Variants in ZNF248 observed in about 807,000 individuals in gnomAD.
ZNF248 encodes zinc finger protein 248, also known as KRAB protein domain.
In ZNF248, 20 loss-of-function variants were observed where a neutral mutation model predicts 44.3. That is an observed-to-expected ratio of 0.45 (90% CI 0.32 to 0.66). The LOEUF is 0.66. Ranked by LOEUF, ZNF248 falls within the 30% of genes least tolerant of loss-of-function variation. The probability of loss-of-function intolerance (pLI) is 0.04; values close to 1 mark genes in which losing one functional copy is unlikely to be tolerated. For missense variants in ZNF248, 654 were observed against 677.0 expected (o/e 0.97, Z 0.38); for synonymous variants, 224 against 229.0 (o/e 0.98, Z 0.20).
chr10:37,820,880 G>C, intron 6 of ZNF248: 1 of 1,312,786 alleles, frequency 7.6e-7, no homozygotes, highest in Non-Finnish European at 1.1e-6. Flanking sequence ...CATATTTATT[G>C]TTTTTTCCTC....
At chr10:37,767,178 G>A in the ZNF248 span, among the ~76,000 whole-genome samples, 1 of 152,144 alleles carries the variant, frequency 6.6e-6, no homozygotes, top group Non-Finnish European at 1.5e-5. Context: ...GGGGAGAAAG[G>A]AACCAAGTTG....
chr10:37,772,221 T>G (rs550045924), downstream of ZNF248, among the ~76,000 whole-genome samples: 1 of 150,698 alleles, frequency 6.6e-6, no homozygotes, highest in East Asian at 2.0e-4. Flanking sequence ...GCCAAGTTCA[T>G]GCCACTGCAC....
intron 6 of ZNF248, among the ~76,000 whole-genome samples, chr10:37,810,521 G>T (rs1241339560): frequency 6.6e-6 from 1 of 151,974 alleles, no homozygotes; most frequent in Non-Finnish European, 1.5e-5. Context: ...AACTGCATGG[G>T]TCTGTTATAT....
intron 3 of ZNF248, 70 bp downstream of exon 3, chr10:37,856,226 A>T: frequency 6.6e-7 from 1 of 1,516,972 alleles, no homozygotes. Context: ...CCATTTTCAA[A>T]ACATAAACCC....
rs769075670 is a variant in ZNF248, at chr10:37,831,908, G to T, written c.1447C>A (p.Gln483Lys). The T allele has an allele frequency of 2.5e-6, 4 of 1,614,008 alleles. No individual in the cohort carries two copies. In the East Asian group the frequency reaches 8.9e-5, roughly 36 times the overall value. ...GGTTTCTCCCCTGTGTGTGTTCTCT[G>T]ATGCACAGTGAGGGCTGATCTGTGG... Reference protein sequence around the residue: ...FCHRSALTVHQRTHTGEKPFI... With the variant: ...FCHRSALTVHKRTHTGEKPFI... The change falls in exon 6 of 6, where the codon CAG becomes AAG. Residue 483 changes from glutamine to lysine, a missense_variant. By Grantham distance (53) the Gln-to-Lys change is moderately conservative. Coordinates refer to ENST00000395867, the MANE Select transcript of ZNF248 (RefSeq NM_021045.3).
downstream of ZNF248, among the ~76,000 whole-genome samples, chr10:37,776,019 A>C (rs2046557546): frequency 6.6e-6 from 1 of 152,180 alleles, no homozygotes; most frequent in South Asian, 2.1e-4. Context: ...TGATGCAGAC[A>C]CAGACACCCC....
intron 6 of ZNF248, chr10:37,820,648 T>C (rs2053314538): frequency 1.3e-6 from 2 of 1,501,004 alleles, no homozygotes; most frequent in Admixed American, 1.7e-5. Flanking sequence ...GTGGTTCGGC[T>C]TTTCTTTTCC....
At chr10:37,851,727 T>C (rs1335083312) in intron 3 of ZNF248, among the ~76,000 whole-genome samples, 3 of 17,096 alleles carry the variant, frequency 1.8e-4, no homozygotes, top group Non-Finnish European at 2.3e-4. Context: ...TTCATGCAAA[T>C]AAATAACAAA....
At chr10:37,823,325 TC>T (rs1371742585) in intron 6 of ZNF248, among the ~76,000 whole-genome samples, 22 of 85,266 alleles carry the variant, frequency 2.6e-4, no homozygotes, top group African/African-American at 1.1e-3. Flanking sequence ...AGAGCGAGAC[TC>T]CGTCTCCAAA....
chr10:37,801,283 C>T (rs752438423), intron 6 of ZNF248, among the ~76,000 whole-genome samples: 4 of 151,556 alleles, frequency 2.6e-5, no homozygotes, highest in Non-Finnish European at 5.9e-5. Flanking sequence ...GGCTGAGGCA[C>T]GAGAATCCCT....
intron 5 of ZNF248, among the ~76,000 whole-genome samples, chr10:37,836,387 C>T (rs779458588): frequency 1.3e-5 from 2 of 152,104 alleles, no homozygotes; most frequent in Non-Finnish European, 2.9e-5. Context: ...TCTACCATAG[C>T]TCATGTTTCT....
At chr10:37,787,683 A>G (rs925903657) in intron 6 of ZNF248, among the ~76,000 whole-genome samples, 1 of 152,102 alleles carries the variant, frequency 6.6e-6, no homozygotes, top group African/African-American at 2.4e-5. Flanking sequence ...TTTACCTCAC[A>G]CAATATATGA....
intron 6 of ZNF248, chr10:37,820,182 T>G (rs1373305700): frequency 8.1e-6 from 10 of 1,229,818 alleles, no homozygotes; most frequent in African/African-American, 1.5e-5. Flanking sequence ...CTTACTGTTT[T>G]CTAGTGCAGA....
chr10:37,786,984 TA>T (rs1465982775), intron 6 of ZNF248, among the ~76,000 whole-genome samples: 1 of 152,188 alleles, frequency 6.6e-6, no homozygotes, highest in Non-Finnish European at 1.5e-5. Flanking sequence ...TACTTGATTT[TA>T]AAGTATACTA....
At chr10:37,854,661 C>G (rs1255991296) in intron 3 of ZNF248, among the ~76,000 whole-genome samples, 5 of 152,154 alleles carry the variant, frequency 3.3e-5, no homozygotes, top group African/African-American at 1.2e-4. Context: ...ACAGGCATTC[C>G]CACTAAGCTG....
intron 3 of ZNF248, 124 bp downstream of exon 3, chr10:37,856,172 A>G: frequency 3.7e-6 from 4 of 1,092,434 alleles, no homozygotes; most frequent in South Asian, 1.7e-5. Context: ...TTGCTACTTC[A>G]GTTTTATTTC....
At chr10:37,818,662 G>A in intron 6 of ZNF248, 1 of 522,176 alleles carries the variant, frequency 1.9e-6, no homozygotes, top group Non-Finnish European at 3.6e-6. Context: ...GCCCCAGCAG[G>A]GCTACTCACA....
At chr10:37,806,524 G>A (rs1004366864) in intron 6 of ZNF248, among the ~76,000 whole-genome samples, 3 of 151,568 alleles carry the variant, frequency 2.0e-5, no homozygotes, top group Non-Finnish European at 4.4e-5. Flanking sequence ...ATGCTTATGG[G>A]CCATCTGAAT....
chr10:37,761,285 G>A, the ZNF248 span, among the ~76,000 whole-genome samples: 2 of 152,226 alleles, frequency 1.3e-5, no homozygotes, highest in Admixed American at 1.3e-4. Flanking sequence ...CTTAGGTCAT[G>A]AAGGCAGGTT....
Sources: allele counts gnomAD v4.1 joint callset (sites outside exome capture counted in the v4.1 genomes callset), GRCh38; gene constraint gnomAD v4.1.1; transcripts MANE v1.5; gene names NCBI Gene and HGNC (gene_info 2026-07-23, HGNC 2026-07-21).